The following CSMD1 variants were observed in gnomAD, a reference collection of about 807,000 sequenced individuals.
CSMD1 encodes the protein CUB and sushi domain-containing protein 1.
CSMD1 carries 213 observed loss-of-function variants against 417.5 expected under a neutral mutation model. That is an observed-to-expected ratio of 0.51 (90% CI 0.46 to 0.57). The LOEUF (loss-of-function observed/expected upper bound fraction) is 0.57, where lower values mean the gene tolerates loss of function less well. Ranked by LOEUF, CSMD1 falls within the 20% of genes least tolerant of loss-of-function variation. The pLI is 0.00. For missense variants in CSMD1, 6,923 were observed against 4,529.7 expected, an observed-to-expected ratio of 1.53 and a Z score of -15.17; for synonymous variants, 2,862 against 1,736.8, an observed-to-expected ratio of 1.65 and a Z score of -16.11.
intron 49 of CSMD1, among the ~76,000 whole-genome samples, chr8:3,074,415 T>C (rs1813502784): frequency 6.6e-6 from 1 of 152,180 alleles, no homozygotes; most frequent in African/African-American, 2.4e-5. Flanking sequence ...GGGAGCTGTC[T>C]ACCCAGGGCG....
intron 37 of CSMD1, among the ~76,000 whole-genome samples, chr8:3,173,348 T>C (rs1820701077): frequency 6.6e-6 from 1 of 152,190 alleles, no homozygotes. Flanking sequence ...AGCCAGAATT[T>C]ACATTGTTTT....
chr8:3,070,567 C>A (rs1366382663), intron 49 of CSMD1, among the ~76,000 whole-genome samples: 1 of 152,218 alleles, frequency 6.6e-6, no homozygotes, highest in Non-Finnish European at 1.5e-5. Context: ...AAGCTCTTCA[C>A]TAAGGCATAA....
At chr8:4,021,868 T>TC (rs929033762) in intron 4 of CSMD1, among the ~76,000 whole-genome samples, 1 of 151,832 alleles carries the variant, frequency 6.6e-6, no homozygotes, top group African/African-American at 2.4e-5. Flanking sequence ...AATAGTGCCA[T>TC]CCCCCTCTCT....
In CSMD1 at chr8:3,575,071, A is replaced by C. The variant is rs770686530; in HGVS notation, c.1223-5T>G. 1.8e-5 allele frequency: 29 copies of C among 1,612,294 alleles called. No individual in the cohort carries two copies. The highest frequency in any genetic ancestry group is 2.1e-5 in the Non-Finnish European group (25 of 1,179,202). ...GATTGGATCCACATGTTCTCGCTGG[A>C]AACACATAGAAACGACGTTATTTTC... is the stretch of plus-strand genomic sequence containing the variant. On this transcript the variant is annotated splice_region_variant and splice_polypyrimidine_tract_variant and intron_variant, in intron 9 of 69. Coordinates refer to ENST00000635120, the MANE Select transcript of CSMD1 (RefSeq NM_033225.6).
At chr8:3,472,618 C>G (rs1480766963) in intron 11 of CSMD1, among the ~76,000 whole-genome samples, 1 of 152,110 alleles carries the variant, frequency 6.6e-6, no homozygotes, top group Admixed American at 6.6e-5. Flanking sequence ...CAGACTCACA[C>G]TAGACACATG....
At chr8:3,938,284 A>C (rs1810641115) in intron 5 of CSMD1, among the ~76,000 whole-genome samples, 3 of 152,158 alleles carry the variant, frequency 2.0e-5, no homozygotes, top group South Asian at 2.1e-4. Flanking sequence ...ACAAGGGAAA[A>C]AACTGCATGC....
At chr8:4,474,245 T>A (rs1174943526) in intron 2 of CSMD1, among the ~76,000 whole-genome samples, 1 of 152,052 alleles carries the variant, frequency 6.6e-6, no homozygotes, top group African/African-American at 2.4e-5. Flanking sequence ...ACACGAGACA[T>A]AAATTTAAAT....
intron 5 of CSMD1, among the ~76,000 whole-genome samples, chr8:3,833,719 G>A (rs954634877): frequency 1.3e-5 from 2 of 151,942 alleles, no homozygotes; most frequent in Non-Finnish European, 2.9e-5. Flanking sequence ...ATATATATAA[G>A]GTCTATGTTG....
chr8:3,426,065 T>C (rs958012528), intron 12 of CSMD1, among the ~76,000 whole-genome samples: 18 of 152,230 alleles, frequency 1.2e-4, no homozygotes, highest in African/African-American at 4.3e-4. Context: ...CTTGATAATC[T>C]GTGAAAATGT....
chr8:4,379,962 T>C (rs1039668061), intron 3 of CSMD1, among the ~76,000 whole-genome samples: 1 of 152,218 alleles, frequency 6.6e-6, no homozygotes, highest in Non-Finnish European at 1.5e-5. Context: ...GAGTCGCCAC[T>C]TTGTAGAAAA....
At chr8:4,022,408 T>C (rs546970753) in intron 4 of CSMD1, among the ~76,000 whole-genome samples, 17 of 152,238 alleles carry the variant, frequency 1.1e-4, no homozygotes, top group South Asian at 6.2e-4. Flanking sequence ...ATTTTCTATG[T>C]ACAGTTTGTA....
chr8:4,798,473 T>G (rs2028229), intron 1 of CSMD1, among the ~76,000 whole-genome samples: 99,053 of 152,034 alleles, frequency 0.65, 33,352 homozygotes, highest in East Asian at 0.73. Context: ...ATAAAATGTC[T>G]ATTAAAAAGT....
At chr8:4,653,156 G>C (rs921959511) in intron 1 of CSMD1, among the ~76,000 whole-genome samples, 1 of 152,014 alleles carries the variant, frequency 6.6e-6, no homozygotes, top group Non-Finnish European at 1.5e-5. Context: ...TTCCAAAGTA[G>C]ACTCTTAGGT....
chr8:4,146,811 C>T (rs561350342), intron 3 of CSMD1, among the ~76,000 whole-genome samples: 11 of 149,342 alleles, frequency 7.4e-5, no homozygotes, highest in African/African-American at 2.3e-4. Flanking sequence ...CGAGTTTCAC[C>T]GTGTTAGGCA....
chr8:4,653,604 A>G (rs1487940897), intron 1 of CSMD1, among the ~76,000 whole-genome samples: 1 of 152,134 alleles, frequency 6.6e-6, no homozygotes, highest in African/African-American at 2.4e-5. Flanking sequence ...AAATAGTCCC[A>G]GATAACCACC....
chr8:3,023,828 C>A (rs1333816692), intron 51 of CSMD1, among the ~76,000 whole-genome samples: 1 of 150,414 alleles, frequency 6.6e-6, no homozygotes, highest in Admixed American at 6.6e-5. Flanking sequence ...ACAAGCAGGG[C>A]CACTCTAAAA....
intron 3 of CSMD1, among the ~76,000 whole-genome samples, chr8:4,249,612 T>A (rs1015130090): frequency 1.3e-5 from 2 of 152,146 alleles, no homozygotes; most frequent in Admixed American, 6.5e-5. Flanking sequence ...TGTTAAGAAA[T>A]GTTTTCTCTG....
intron 5 of CSMD1, among the ~76,000 whole-genome samples, chr8:3,863,003 G>C (rs548282556): frequency 1.3e-5 from 2 of 152,132 alleles, no homozygotes; most frequent in African/African-American, 4.8e-5. Context: ...CAACAGATTT[G>C]GTATCTGGTA....
chr8:4,047,617 G>C (rs1798215806), intron 3 of CSMD1, among the ~76,000 whole-genome samples: 1 of 152,036 alleles, frequency 6.6e-6, no homozygotes, highest in African/African-American at 2.4e-5. Context: ...TATTTTTCCA[G>C]GCACTAGGAA....
Sources: allele counts gnomAD v4.1 joint callset (sites outside exome capture counted in the v4.1 genomes callset), GRCh38; gene constraint gnomAD v4.1.1; transcripts MANE v1.5; gene names NCBI Gene and HGNC (gene_info 2026-07-23, HGNC 2026-07-21).